Variants in CDHR1 observed in about 807,000 individuals in gnomAD.
CDHR1 encodes the protein cadherin related family member 1, also known as cadherin-related family member 1.
A neutral mutation model predicts 72.1 loss-of-function variants in CDHR1; 61 were observed. That is an observed-to-expected ratio of 0.85 (90% confidence interval 0.69 to 1.05). CDHR1 has a LOEUF of 1.05. CDHR1 is among the 50% of genes least tolerant of loss of function. The probability of loss-of-function intolerance (pLI) is 0.00; values close to 1 mark genes in which losing one functional copy is unlikely to be tolerated. For synonymous variants in CDHR1, 470 were observed against 448.1 expected (o/e 1.05, Z -0.62); for missense variants, 1,186 against 1,115.7 (o/e 1.06, Z -0.90).
chr10:84,216,108 C>T lies in CDHR1; in HGVS notation c.*1487C>T, dbSNP rs768873138. 7 of 985,288 alleles carry T rather than the reference C, an allele frequency of 7.1e-6. No individual in the cohort carries two copies. The highest frequency in any genetic ancestry group is 6.0e-6 in the Non-Finnish European group (5 of 829,952). 61.0% of individuals were successfully genotyped at this position (985,288 alleles called of 1,614,324 possible). A position where few individuals can be genotyped will look rare whatever the true frequency, so the allele number is the denominator to read the frequency against. The stretch of plus-strand genomic sequence containing the variant: ...ATAGGTTGTGCCCTGCTTTAAGGAA[C>T]CTGCTATCAGGAAATCTACATGTGT... On this transcript the variant is annotated 3_prime_UTR_variant, in exon 17 of 17. Coordinates refer to ENST00000623527, the MANE Select transcript of CDHR1 (RefSeq NM_033100.4).
chr10:84,212,068 G>A lies in CDHR1; in HGVS notation c.1554-111G>A. The A allele has an allele frequency of 6.3e-6, 6 of 956,022 alleles. No individual in the cohort carries two copies. In the South Asian group the frequency reaches 6.7e-5, roughly 11 times the overall value. 59.2% of individuals were successfully genotyped at this position (956,022 alleles called of 1,614,324 possible). On this transcript the variant is annotated intron_variant, in intron 14 of 16. Transcript: ENST00000623527. ...GCAGGTAGGACACTTTGGAGGAGCT[G>A]CATGACACCTCACTCCTGCTTCAGG...
intron 6 of CDHR1, among the ~76,000 whole-genome samples, chr10:84,201,218 T>A (rs935306383): frequency 1.3e-5 from 2 of 152,164 alleles, no homozygotes; most frequent in African/African-American, 4.8e-5. Flanking sequence ...GTTCCATTGT[T>A]CTGAAAACTA....
rs1842388705 is a variant in CDHR1 at position 84,214,254 on chromosome 10, G to C, written c.2213G>C (p.Arg738Pro). The C allele has an allele frequency of 1.9e-6, 3 of 1,613,592 alleles. No individual in the cohort carries two copies. Among genetic ancestry groups the C allele is most frequent in the Admixed American group, 1.7e-5 (1 of 60,008 alleles). ...KKSNKVLPMRRVLRKRPSPAP... is the reference protein window; with the variant it reads ...KKSNKVLPMRPVLRKRPSPAP... ...TCTAACAAGGTCCTGCCAATGCGGC[G>C]GGTGCTCCGCAAGCGGCCCAGCCCT... The change falls in exon 17 of 17, where the codon CGG (arginine) becomes CCG (proline). Residue 738 changes from arginine (R) to proline (P), a missense_variant. Coordinates refer to ENST00000623527, the MANE Select transcript of CDHR1 (RefSeq NM_033100.4).
chr10:84,208,342 C>T lies in CDHR1; in HGVS notation c.1132C>T (p.Arg378Trp), dbSNP rs146783539. Reference protein sequence around the residue: ...NEHPPQGEILRGLKITVNDSD... With the variant: ...NEHPPQGEILWGLKITVNDSD... The stretch of plus-strand genomic sequence containing the variant: ...GCACCCACCCCAGGGAGAGATCCTG[C>T]GGGGCCTCAAGATCACCGTCAATGA... The change falls in exon 11 of 17, where the codon CGG becomes TGG. Residue 378 changes from arginine (R) to tryptophan (W), a missense_variant. Coordinates refer to ENST00000623527, the MANE Select transcript of CDHR1 (RefSeq NM_033100.4). The T allele has an allele frequency of 4.5e-5, 72 of 1,614,046 alleles. No homozygotes were observed. Among genetic ancestry groups the T allele is most frequent in the South Asian group, 4.4e-5 (4 of 91,088 alleles).
At chr10:84,204,675 C>A in intron 9 of CDHR1, 70 bp downstream of exon 9, 1 of 1,018,652 alleles carries the variant, frequency 9.8e-7, no homozygotes. Context: ...TCCTCAACCT[C>A]TCTAGATTCC....
At position 84,215,563 on chromosome 10, in the gene CDHR1, C is replaced by A; in HGVS notation, c.*942C>A. The A allele has an allele frequency of 1.1e-6, 1 of 875,376 alleles. No individual in the cohort carries two copies. The highest frequency in any genetic ancestry group is 1.4e-6 in the Non-Finnish European group (1 of 729,632). The allele number at this position is 875,376 out of a possible 1,614,324, so 54.2% of individuals were successfully genotyped here. ...GGGAAAGCTGTTTAAAGTCGCTGAT[C>A]ATCCTCTTCCTCATCTGTAAATGAA... On this transcript the variant is annotated 3_prime_UTR_variant, in exon 17 of 17. Coordinates refer to ENST00000623527, the MANE Select transcript of CDHR1 (RefSeq NM_033100.4).
intron 7 of CDHR1, 106 bp from the exon 8 acceptor site, chr10:84,202,874 G>A: frequency 8.2e-7 from 1 of 1,225,580 alleles, no homozygotes; most frequent in Non-Finnish European, 1.2e-6. Context: ...GGAGAGGACA[G>A]CTGGCCTCAC....
Position 84,199,019 on chromosome 10 carries a change from T to C in CDHR1, c.349-13T>C. The C allele has an allele frequency of 6.4e-7, 1 of 1,550,492 alleles. No homozygotes were observed. Among genetic ancestry groups the C allele is most frequent in the Non-Finnish European group, 8.7e-7 (1 of 1,145,872 alleles). On this transcript the variant is annotated splice_polypyrimidine_tract_variant and intron_variant, in intron 4 of 16. Transcript: ENST00000623527. ...TCATTGCACTGGCTCTTGACCCCTC[T>C]GCCCCTTCTCAGGTGGCCGAAAAAG... is the stretch of plus-strand genomic sequence containing the variant.
At chr10:84,201,725 A>C in intron 6 of CDHR1, 82 bp from the exon 7 acceptor site, 1 of 1,109,030 alleles carries the variant, frequency 9.0e-7, no homozygotes, top group Non-Finnish European at 1.3e-6. Context: ...GGCAGTGAGG[A>C]CCCCCTTCAG....
rs1329939441 is a variant in CDHR1 at position 84,217,909 on chromosome 10, T to C, written c.*3288T>C. The C allele has an allele frequency of 1.0e-6, 1 of 985,348 alleles. No homozygotes were observed. Among genetic ancestry groups the C allele is most frequent in the Non-Finnish European group, 1.2e-6 (1 of 829,974 alleles). 61.0% of individuals were successfully genotyped at this position (985,348 alleles called of 1,614,324 possible). A position where few individuals can be genotyped will look rare whatever the true frequency, so the allele number is the denominator to read the frequency against. ...AGAGGTCTCTAAGAACTTGTGGCAC[T>C]CTGTCCTCAAGCAGCTGTCCCTCAG... On this transcript the variant is annotated 3_prime_UTR_variant, in exon 17 of 17. Coordinates refer to ENST00000623527, the MANE Select transcript of CDHR1 (RefSeq NM_033100.4).
In CDHR1 at chr10:84,213,156, C is replaced by T. The variant is rs147920893; in HGVS notation, c.1848C>T (p.Pro616=). 4.6e-5 allele frequency: 74 copies of T among 1,614,102 alleles called. 1 individual carries two copies. The highest frequency in any genetic ancestry group is 6.7e-5 in the African/African-American group (5 of 74,928). The part of the protein sequence containing the change: ...LVDYSITHAE[P]ANVFDINSHT... Reference sequence around the variant, plus strand: ...ACTATTCCATCACCCATGCAGAGCCCGCCAACGTGTTCGACATCAATTCCC... The same window carrying T: ...ACTATTCCATCACCCATGCAGAGCCTGCCAACGTGTTCGACATCAATTCCC... Residue 616 remains proline, a synonymous_variant, in exon 16 of 17, where the codon CCC becomes CCT. Coordinates refer to ENST00000623527, the MANE Select transcript of CDHR1 (RefSeq NM_033100.4).
At position 84,215,372 on chromosome 10, in the gene CDHR1, G is replaced by A; in HGVS notation, c.*751G>A. Reference sequence around the variant, plus strand: ...GCAAAATGTCAAAGCTGGAGCTATAGAGGTAGCCCTAAAGGCAACTAGAAG... The same window carrying A: ...GCAAAATGTCAAAGCTGGAGCTATAAAGGTAGCCCTAAAGGCAACTAGAAG... On this transcript the variant is annotated 3_prime_UTR_variant, in exon 17 of 17. Transcript: ENST00000623527. 1 of 985,784 alleles carries A rather than the reference G, an allele frequency of 1.0e-6. No homozygotes were observed. Among genetic ancestry groups the A allele is most frequent in the Non-Finnish European group, 1.2e-6 (1 of 830,216 alleles). The allele number at this position is 985,784 out of a possible 1,614,324, so 61.1% of individuals were successfully genotyped here.
At chr10:84,196,466 G>T (rs758361381) in intron 2 of CDHR1, 39 bp from the exon 3 acceptor site, 2 of 1,613,348 alleles carry the variant, frequency 1.2e-6, no homozygotes, top group Non-Finnish European at 1.7e-6. Context: ...GAAAAGTTGG[G>T]TCTCAGATTC....
In CDHR1 at chr10:84,216,479, A is replaced by C; in HGVS notation, c.*1858A>C. On this transcript the variant is annotated 3_prime_UTR_variant, in exon 17 of 17. Transcript: ENST00000623527. ...TACAGCATCCTTACAGCTTGCATGC[A>C]ATCAACCTCTTTTGTAAATGGAAAA... 1.0e-6 allele frequency: 1 copy of C among 985,528 alleles called. No homozygotes were observed. 61.0% of individuals were successfully genotyped at this position (985,528 alleles called of 1,614,324 possible).
Position 84,208,372 on chromosome 10 carries a change from G to A in CDHR1, c.1162G>A (p.Asp388Asn), listed in dbSNP as rs760927412. ...CCTCAAGATCACCGTCAATGACTCCGACCAGGTGTGTGGTCCTGCCCTCCG... is the reference window on the plus strand; with the variant it reads ...CCTCAAGATCACCGTCAATGACTCCAACCAGGTGTGTGGTCCTGCCCTCCG... ...RGLKITVNDS[D>N]QGANAKFNLQ... The change falls in exon 11 of 17, where the codon GAC (aspartate) becomes AAC (asparagine). Residue 388 changes from aspartate (D) to asparagine (N), a missense_variant. By Grantham distance (23) the Asp-to-Asn change is conservative. Transcript: ENST00000623527. The A allele has an allele frequency of 2.2e-5, 36 of 1,613,974 alleles. No individual in the cohort carries two copies. Among genetic ancestry groups the A allele is most frequent in the East Asian group, 6.7e-5 (3 of 44,886 alleles).
chr10:84,212,146 T>A (rs1379921041), intron 14 of CDHR1, 33 bp from the exon 15 acceptor site: 1 of 1,555,372 alleles, frequency 6.4e-7, no homozygotes, highest in Admixed American at 1.7e-5. Context: ...TGTATATGCG[T>A]GCACACCCAT....
intron 7 of CDHR1, among the ~76,000 whole-genome samples, chr10:84,202,277 C>T (rs1228353293): frequency 6.6e-6 from 1 of 152,172 alleles, no homozygotes. Flanking sequence ...TCTCTGTGTG[C>T]CCAATCACCC....
rs1221485119 is a variant in CDHR1 at position 84,212,397 on chromosome 10, T to C, written c.1772T>C (p.Val591Ala). The C allele has an allele frequency of 1.2e-6, 2 of 1,614,012 alleles. No homozygotes were observed. The highest frequency in any genetic ancestry group is 8.5e-7 in the Non-Finnish European group (1 of 1,179,934). The change falls in exon 15 of 17, where the codon GTG becomes GCG. Residue 591 changes from valine to alanine, a missense_variant. Coordinates refer to ENST00000623527, the MANE Select transcript of CDHR1 (RefSeq NM_033100.4). ...AAGACGATGGTGCTAGGGACCCCAG[T>C]GAAAATTGAGGTAAGTTTTGGAGGC... ...QKKTMVLGTP[V>A]KIEAIDEDAE...
intron 14 of CDHR1, 99 bp downstream of exon 14, chr10:84,211,814 G>T (rs1194937596): frequency 1.9e-6 from 2 of 1,039,200 alleles, no homozygotes; most frequent in Non-Finnish European, 1.5e-6. Context: ...GCCTGGGAGG[G>T]ACAGGAGCCT....
Sources: gnomAD v4.1 joint callset for allele counts (sites outside exome capture counted in the v4.1 genomes callset) on GRCh38, gnomAD v4.1.1 for gene constraint, MANE v1.5 for transcripts, NCBI Gene and HGNC (gene_info 2026-07-23, HGNC 2026-07-21) for gene names.